IMMP2L: variants seen among roughly 807,000 people sequenced by gnomAD.
The protein encoded by IMMP2L is mitochondrial inner membrane protease subunit 2.
In IMMP2L, 18 loss-of-function variants were observed where a neutral mutation model predicts 19.3. The ratio of observed to expected loss-of-function variants is 0.93; its 90% CI spans 0.64 to 1.38. The LOEUF is 1.38. Ranked by LOEUF, IMMP2L falls within the 40% of genes most tolerant of loss-of-function variation. The pLI is 0.00. For synonymous variants in IMMP2L, 76 were observed against 73.0 expected, an observed-to-expected ratio of 1.04 and a Z score of -0.21; for missense variants, 233 against 218.2, an observed-to-expected ratio of 1.07 and a Z score of -0.43.
intron 5 of IMMP2L, among the ~76,000 whole-genome samples, chr7:110,820,241 T>C (rs2131328229): frequency 6.6e-6 from 1 of 152,170 alleles, no homozygotes; most frequent in African/African-American, 2.4e-5. Context: ...GCTTTGCAGG[T>C]GAAAATATGT....
intron 1 of IMMP2L, among the ~76,000 whole-genome samples, chr7:111,530,120 C>T (rs1847252694): frequency 6.6e-6 from 1 of 152,096 alleles, no homozygotes. Context: ...CAGTTCAAAT[C>T]GTGATTCAAC....
At chr7:111,058,329 A>G (rs1793700513) in intron 3 of IMMP2L, among the ~76,000 whole-genome samples, 1 of 152,304 alleles carries the variant, frequency 6.6e-6, no homozygotes, top group African/African-American at 2.4e-5. Context: ...ACAAAATTAT[A>G]ATGTGTATTT....
In IMMP2L at chr7:110,894,966, T is replaced by G. The variant is rs560398997; in HGVS notation, c.306-8271A>C. On this transcript the variant is annotated intron_variant, in intron 4 of 5. Transcript: ENST00000405709. The stretch of plus-strand genomic sequence containing the variant: ...TCCCTTGACTTACCATTGGCAACTT[T>G]GTTAAAATTAATTTACCCTATGTAT... 3.3e-5 allele frequency among the ~76,000 whole-genome samples: 5 copies of G among 152,328 alleles called. No homozygotes were observed. The South Asian group carries it at 1.0e-3, about 32-fold the overall frequency.
At chr7:110,976,152 T>C (rs1256724710) in intron 3 of IMMP2L, among the ~76,000 whole-genome samples, 1 of 152,012 alleles carries the variant, frequency 6.6e-6, no homozygotes, top group African/African-American at 2.4e-5. Context: ...CATATTTGCT[T>C]ATCTATATAT....
intron 4 of IMMP2L, 47 bp from the exon 5 acceptor site, chr7:110,886,742 C>A (rs1476472811): frequency 1.1e-6 from 1 of 883,290 alleles, no homozygotes; most frequent in African/African-American, 1.7e-5. Flanking sequence ...GAAAAGAGAT[C>A]AAACTGCTGG....
chr7:111,352,753 T>C (rs973742656), intron 3 of IMMP2L, among the ~76,000 whole-genome samples: 1 of 152,146 alleles, frequency 6.6e-6, no homozygotes, highest in Non-Finnish European at 1.5e-5. Flanking sequence ...ATTGGACCTG[T>C]AGCACTCTGA....
chr7:111,153,748 A>G (rs1804329132), intron 3 of IMMP2L, among the ~76,000 whole-genome samples: 1 of 152,068 alleles, frequency 6.6e-6, no homozygotes. Context: ...GTAGTACAAT[A>G]AGCACACAAA....
chr7:110,997,644 G>A (rs1242668914), intron 3 of IMMP2L, among the ~76,000 whole-genome samples: 1 of 151,764 alleles, frequency 6.6e-6, no homozygotes, highest in African/African-American at 2.4e-5. Flanking sequence ...GTGCTTATTT[G>A]CCATCTGCAT....
chr7:111,556,229 A>T (rs1340335546), intron 1 of IMMP2L, among the ~76,000 whole-genome samples: 1 of 151,482 alleles, frequency 6.6e-6, no homozygotes, highest in African/African-American at 2.4e-5. Context: ...AGAGTTTGGG[A>T]ACTCATGTAC....
At chr7:111,001,778 G>C (rs748626506) in intron 3 of IMMP2L, among the ~76,000 whole-genome samples, 1 of 151,986 alleles carries the variant, frequency 6.6e-6, no homozygotes. Context: ...TAATGAGCTG[G>C]GACTCTTATC....
intron 3 of IMMP2L, among the ~76,000 whole-genome samples, chr7:110,993,581 C>A (rs1266703994): frequency 6.6e-6 from 1 of 151,032 alleles, no homozygotes; most frequent in African/African-American, 2.4e-5. Context: ...ATGCCTTTAC[C>A]TATTAGATTT....
intron 3 of IMMP2L, among the ~76,000 whole-genome samples, chr7:111,165,289 C>T (rs975464171): frequency 5.9e-5 from 9 of 152,006 alleles, no homozygotes; most frequent in Admixed American, 2.6e-4. Context: ...GTCAATTGTA[C>T]ATATACACCA....
intron 3 of IMMP2L, among the ~76,000 whole-genome samples, chr7:110,967,308 T>C (rs991872111): frequency 6.6e-6 from 1 of 151,994 alleles, no homozygotes; most frequent in Admixed American, 6.6e-5. Flanking sequence ...TTGGGAGCAC[T>C]TGAAAGCTAC....
At chr7:111,073,252 C>T (rs1019750965) in intron 3 of IMMP2L, among the ~76,000 whole-genome samples, 6 of 151,978 alleles carry the variant, frequency 3.9e-5, no homozygotes, top group African/African-American at 1.2e-4. Context: ...ACAGCCATAT[C>T]GCTATATGTG....
intron 5 of IMMP2L, among the ~76,000 whole-genome samples, chr7:110,852,252 A>C (rs1806304548): frequency 6.7e-6 from 1 of 149,006 alleles, no homozygotes; most frequent in African/African-American, 2.5e-5. Context: ...ATGTATACAC[A>C]TATATAGCCA....
At chr7:111,207,683 G>A (rs1487360632) in intron 3 of IMMP2L, among the ~76,000 whole-genome samples, 6 of 151,478 alleles carry the variant, frequency 4.0e-5, no homozygotes, top group East Asian at 1.9e-4. Context: ...CTACAGGTGC[G>A]CGCCGCCATG....
chr7:111,423,692 C>A (rs974335067), intron 3 of IMMP2L, among the ~76,000 whole-genome samples: 3 of 151,452 alleles, frequency 2.0e-5, no homozygotes, highest in Admixed American at 2.0e-4. Context: ...ACTAAATGCC[C>A]ACAAGAGAAA....
intron 5 of IMMP2L, among the ~76,000 whole-genome samples, chr7:110,726,988 G>T (rs895673165): frequency 6.6e-6 from 1 of 152,184 alleles, no homozygotes; most frequent in East Asian, 1.9e-4. Context: ...AAACACAGGA[G>T]GGACCATTGG....
chr7:110,793,881 T>C (rs1174425429), intron 5 of IMMP2L, among the ~76,000 whole-genome samples: 1 of 152,122 alleles, frequency 6.6e-6, no homozygotes, highest in Non-Finnish European at 1.5e-5. Context: ...TAAATGCATA[T>C]ATACAGATGG....
Sources: allele counts gnomAD v4.1 joint callset (sites outside exome capture counted in the v4.1 genomes callset), GRCh38; gene constraint gnomAD v4.1.1; transcripts MANE v1.5; gene names NCBI Gene and HGNC (gene_info 2026-07-23, HGNC 2026-07-21).